Variants in KCNIP4 observed in about 807,000 individuals in gnomAD.
KCNIP4 encodes the protein Kv channel-interacting protein 4.
Under a neutral mutation model 34.0 loss-of-function variants are expected in KCNIP4, and 12 were observed. The ratio of observed to expected loss-of-function variants is 0.35; its 90% CI spans 0.23 to 0.57. The LOEUF (loss-of-function observed/expected upper bound fraction) is 0.57, where lower values mean the gene tolerates loss of function less well. Among genes scored for constraint, KCNIP4 ranks in the 20% least tolerant of loss-of-function variants. The probability of loss-of-function intolerance (pLI) is 0.83; values close to 1 mark genes in which losing one functional copy is unlikely to be tolerated. For missense variants in KCNIP4, 238 were observed against 311.7 expected (o/e 0.76, Z 1.78); for synonymous variants, 124 against 102.2 (o/e 1.21, Z -1.29).
chr4:21,281,387 C>CA (rs1439114272), intron 1 of KCNIP4, among the ~76,000 whole-genome samples: 1 of 151,948 alleles, frequency 6.6e-6, no homozygotes. Context: ...CGCACCCAGC[C>CA]AAAAAACAGC....
chr4:21,263,278 A>G (rs1761589543), intron 1 of KCNIP4, among the ~76,000 whole-genome samples: 1 of 152,224 alleles, frequency 6.6e-6, no homozygotes, highest in Non-Finnish European at 1.5e-5. Flanking sequence ...AGGAAGATAC[A>G]TTACCTTTGT....
chr4:21,718,492 G>A (rs1279409726), intron 1 of KCNIP4: 1 of 151,330 alleles, frequency 6.6e-6, no homozygotes, highest in Non-Finnish European at 1.5e-5. Context: ...GGATACATGT[G>A]CAGGACGTGG....
chr4:21,579,199 C>A (rs1226801568), intron 1 of KCNIP4, among the ~76,000 whole-genome samples: 1 of 152,114 alleles, frequency 6.6e-6, no homozygotes, highest in Non-Finnish European at 1.5e-5. Context: ...GTCACATCAG[C>A]ACTAAGCCAG....
chr4:21,703,448 C>A (rs1009487573), intron 1 of KCNIP4, among the ~76,000 whole-genome samples: 2 of 152,044 alleles, frequency 1.3e-5, no homozygotes, highest in Admixed American at 6.6e-5. Flanking sequence ...TCATTCTCAG[C>A]AAACTATCGC....
intron 1 of KCNIP4, among the ~76,000 whole-genome samples, chr4:21,239,548 A>T (rs1464451973): frequency 2.0e-5 from 3 of 152,190 alleles, no homozygotes; most frequent in African/African-American, 7.2e-5. Flanking sequence ...AAACAACCCC[A>T]TCAAAAAGTG....
intron 1 of KCNIP4, among the ~76,000 whole-genome samples, chr4:21,714,791 T>TA (rs1553923873): frequency 2.1e-3 from 2 of 952 alleles, no homozygotes; most frequent in Non-Finnish European, 1.8e-3. Context: ...CTTTGATTAT[T>TA]TTATTTTATT....
intron 1 of KCNIP4, among the ~76,000 whole-genome samples, chr4:21,392,350 C>T (rs1017986453): frequency 1.3e-5 from 2 of 152,192 alleles, no homozygotes; most frequent in Non-Finnish European, 2.9e-5. Context: ...ATAGTACCAA[C>T]AAGCATTTTA....
intron 1 of KCNIP4, among the ~76,000 whole-genome samples, chr4:21,147,408 A>T (rs2109231666): frequency 6.6e-6 from 1 of 152,166 alleles, no homozygotes; most frequent in East Asian, 1.9e-4. Context: ...TTTTCAAATT[A>T]CCCAATTTGT....
intron 1 of KCNIP4, among the ~76,000 whole-genome samples, chr4:21,310,787 C>T (rs1169992550): frequency 6.6e-6 from 1 of 151,864 alleles, no homozygotes; most frequent in African/African-American, 2.4e-5. Flanking sequence ...ACGTGCACGA[C>T]GTCGGCTAAT....
rs905964554 is a variant in KCNIP4 at position 21,147,686 on chromosome 4, C to T, written c.62-264977G>A. 3.9e-5 allele frequency among the ~76,000 whole-genome samples: 6 copies of T among 152,078 alleles called. 1 individual carries two copies. Among genetic ancestry groups the T allele is most frequent in the Admixed American group, 6.5e-5 (1 of 15,272 alleles). ...AGGCGCGGTGGCTCACACCTGTTAT[C>T]CCATCACTTTGGGAGGCCAAGGTGG... On this transcript the variant is annotated intron_variant, in intron 1 of 8. Transcript: ENST00000382152.
intron 5 of KCNIP4, 97 bp downstream of exon 5, chr4:20,749,565 C>A: frequency 1.3e-6 from 1 of 796,386 alleles, no homozygotes; most frequent in Non-Finnish European, 2.0e-6. Flanking sequence ...GGCTTTCTTT[C>A]CCCTGAGCAA....
chr4:21,734,666 T>A (rs1240654768), intron 1 of KCNIP4, among the ~76,000 whole-genome samples: 2 of 152,142 alleles, frequency 1.3e-5, no homozygotes, highest in Admixed American at 1.3e-4. Flanking sequence ...AGACAAAAAT[T>A]TTTTAAAGTG....
chr4:21,493,728 A>T (rs945918783), intron 1 of KCNIP4, among the ~76,000 whole-genome samples: 3 of 152,180 alleles, frequency 2.0e-5, no homozygotes, highest in African/African-American at 7.2e-5. Flanking sequence ...CAATCTACAG[A>T]GGGCAGGAGA....
At chr4:20,761,257 G>T (rs923369330) in intron 3 of KCNIP4, among the ~76,000 whole-genome samples, 10 of 152,136 alleles carry the variant, frequency 6.6e-5, no homozygotes, top group African/African-American at 2.4e-4. Flanking sequence ...GCTGGCCAAG[G>T]CTCCACAAAG....
chr4:20,970,507 T>A (rs1186275423), intron 1 of KCNIP4, among the ~76,000 whole-genome samples: 4 of 152,150 alleles, frequency 2.6e-5, no homozygotes, highest in Non-Finnish European at 5.9e-5. Flanking sequence ...CAATGAGGGT[T>A]AGGGGAGTGA....
chr4:20,740,753 C>T (rs558029398), intron 5 of KCNIP4, among the ~76,000 whole-genome samples: 25 of 152,172 alleles, frequency 1.6e-4, no homozygotes, highest in South Asian at 6.2e-4. Context: ...ATGGGCTAAA[C>T]GCACCAATTA....
chr4:21,781,234 C>A (rs926322014), intron 1 of KCNIP4, among the ~76,000 whole-genome samples: 1 of 152,080 alleles, frequency 6.6e-6, no homozygotes, highest in African/African-American at 2.4e-5. Context: ...GGCATTTCCC[C>A]TGCTTGTACT....
intron 1 of KCNIP4, among the ~76,000 whole-genome samples, chr4:21,660,177 C>T (rs1231397528): frequency 6.6e-6 from 1 of 152,072 alleles, no homozygotes; most frequent in Non-Finnish European, 1.5e-5. Flanking sequence ...TTTATCTTTC[C>T]AAATATACTT....
At chr4:21,710,605 C>G (rs1222523386) in intron 1 of KCNIP4, among the ~76,000 whole-genome samples, 3 of 152,176 alleles carry the variant, frequency 2.0e-5, no homozygotes, top group Non-Finnish European at 4.4e-5. Flanking sequence ...CCTTCGGCCC[C>G]ATGTGAACTC....
Sources: allele counts gnomAD v4.1 joint callset (sites outside exome capture counted in the v4.1 genomes callset), GRCh38; gene constraint gnomAD v4.1.1; transcripts MANE v1.5; gene names NCBI Gene and HGNC (gene_info 2026-07-23, HGNC 2026-07-21).